The following MACO1 variants were observed in gnomAD, a reference collection of about 807,000 sequenced individuals.
MACO1 encodes the protein macoilin.
A neutral mutation model predicts 78.7 loss-of-function variants in MACO1; 14 were observed. That is an observed-to-expected ratio of 0.18 (90% CI 0.12 to 0.28). The LOEUF (loss-of-function observed/expected upper bound fraction) is 0.28, where lower values mean the gene tolerates loss of function less well. Ranked by LOEUF, MACO1 falls within the 10% of genes least tolerant of loss-of-function variation. The probability of loss-of-function intolerance (pLI) is 1.00; values close to 1 mark genes in which losing one functional copy is unlikely to be tolerated. For synonymous variants in MACO1, 288 were observed against 291.6 expected, an observed-to-expected ratio of 0.99 and a Z score of 0.12; for missense variants, 501 against 799.0, an observed-to-expected ratio of 0.63 and a Z score of 4.50.
Position 25,485,928 on chromosome 1 carries a change from T to C in MACO1, c.1496+133T>C. 1 of 979,122 alleles carries C rather than the reference T, an allele frequency of 1.0e-6. No homozygotes were observed. Among genetic ancestry groups the C allele is most frequent in the South Asian group, 1.7e-5 (1 of 60,384 alleles). The allele number at this position is 979,122 out of a possible 1,614,324, so 60.7% of individuals were successfully genotyped here. A position where few individuals can be genotyped will look rare whatever the true frequency, so the allele number is the denominator to read the frequency against. On this transcript the variant is annotated intron_variant, in intron 8 of 10. Transcript: ENST00000374343. This position sits in a 1 kb window ranked among gnomAD's most constrained non-coding sequence, Gnocchi z 4.3. ...CGGATGGATTGCTTTTAAGTACTGT[T>C]TTATTAACTGGTTTAAACTCCATGT...
intron 3 of MACO1, among the ~76,000 whole-genome samples, chr1:25,453,838 A>T (rs1029209971): frequency 1.3e-5 from 2 of 152,070 alleles, no homozygotes; most frequent in African/African-American, 4.8e-5. Flanking sequence ...GTCTTTAAAA[A>T]TTTTATCTAA....
rs114759782 is a variant in MACO1, at chr1:25,446,657, T to C, written c.81-105T>C. 1.5e-3 allele frequency: 1,698 copies of C among 1,099,750 alleles called. 21 individuals are homozygous for C. In the African/African-American group the frequency reaches 0.024, roughly 16 times the overall value. The allele number at this position is 1,099,750 out of a possible 1,614,324, so 68.1% of individuals were successfully genotyped here. On this transcript the variant is annotated intron_variant, in intron 1 of 10. Transcript: ENST00000374343. ...TGCTTTATCTCCATTGTTTTCATGA[T>C]ATATGGAGGTATTTTTTTGTCGTTT...
At chr1:25,490,461 G>A (rs1385158006) in intron 9 of MACO1, among the ~76,000 whole-genome samples, 8 of 152,108 alleles carry the variant, frequency 5.3e-5, no homozygotes, top group Non-Finnish European at 1.0e-4. Flanking sequence ...TATCAATCAT[G>A]GTGAGGATGC....
At chr1:25,452,590 T>A (rs2124581003) in intron 3 of MACO1, among the ~76,000 whole-genome samples, 1 of 152,338 alleles carries the variant, frequency 6.6e-6, no homozygotes, top group South Asian at 2.1e-4. Flanking sequence ...CCTCATTCTT[T>A]AGGAACCTTC....
rs780163233 is a variant in MACO1 at position 25,458,543 on chromosome 1, G to A, written c.805G>A (p.Gly269Arg). The A allele has an allele frequency of 6.2e-7, 1 of 1,613,608 alleles. No homozygotes were observed. The highest frequency in any genetic ancestry group is 1.7e-5 in the Admixed American group (1 of 59,960). ...CAAGGATGCCAAAAAACACAACCTT[G>A]GAATAAATAACAACAATATTCTACA... is the stretch of plus-strand genomic sequence containing the variant. ...KDKDAKKHNL[G>R]INNNNILQPV... The change falls in exon 6 of 11, where the codon GGA becomes AGA. Residue 269 changes from glycine to arginine, a missense_variant. Transcript: ENST00000374343.
At chr1:25,459,203 A>C (rs1244034070) in intron 6 of MACO1, among the ~76,000 whole-genome samples, 3 of 152,030 alleles carry the variant, frequency 2.0e-5, no homozygotes, top group Admixed American at 6.5e-5. Context: ...TTGCATGTCC[A>C]GAGTTCTCTT....
intron 6 of MACO1, among the ~76,000 whole-genome samples, chr1:25,469,400 AAACCTTGTATTTATGTTTTATG>A (rs1439434921): frequency 6.6e-6 from 1 of 152,168 alleles, no homozygotes; most frequent in Non-Finnish European, 1.5e-5. Context: ...TAGCCCACTT[AAACCTTGTATTTATGTTTTATG>A]ATTTTAAAAC....
chr1:25,492,294 A>G (rs1243601761), intron 10 of MACO1, among the ~76,000 whole-genome samples: 3 of 152,220 alleles, frequency 2.0e-5, no homozygotes, highest in African/African-American at 7.2e-5. Flanking sequence ...ACAAGCCAGC[A>G]GGGAGTATGT....
intron 1 of MACO1, among the ~76,000 whole-genome samples, chr1:25,437,298 CT>C (rs1173305681): frequency 0.033 from 2,160 of 65,908 alleles, 31 homozygotes; most frequent in African/African-American, 0.12. Context: ...CCATGCCTGG[CT>C]TTTTTTTTTT....
Position 25,491,412 on chromosome 1 carries a change from G to A in MACO1, c.1620G>A (p.Glu540=), listed in dbSNP as rs955538003. 4 of 1,614,026 alleles carry A rather than the reference G, an allele frequency of 2.5e-6. No individual in the cohort carries two copies. In the African/African-American group the frequency reaches 5.3e-5, roughly 22 times the overall value. ...QIRELELKVQ[E]LRKYKENEKD... ...TGCTGTTTTGATGATATTGATAGGA[G>A]CTTCGGAAATATAAGGAAAATGAGA... The change falls in exon 10 of 11, where the codon GAG becomes GAA. Residue 540 remains glutamate (E), a splice_region_variant and synonymous_variant. Transcript: ENST00000374343.
intron 8 of MACO1, among the ~76,000 whole-genome samples, chr1:25,488,948 G>C (rs1002966702): frequency 6.6e-6 from 1 of 152,084 alleles, no homozygotes. Context: ...CTCCCCAGTA[G>C]CTGGGACTAC....
At chr1:25,443,094 C>A (rs1313387454) in intron 1 of MACO1, among the ~76,000 whole-genome samples, 3 of 152,018 alleles carry the variant, frequency 2.0e-5, no homozygotes, top group Admixed American at 2.0e-4. Context: ...TTTTCTCATC[C>A]CTTGGAATGT....
chr1:25,457,245 A>G (rs1302813139), intron 5 of MACO1, among the ~76,000 whole-genome samples: 1 of 151,770 alleles, frequency 6.6e-6, no homozygotes, highest in Non-Finnish European at 1.5e-5. Context: ...AGCTGCTACC[A>G]TGGGCACGTG....
At position 25,454,238 on chromosome 1, in the gene MACO1, C is replaced by T. The variant is rs201356261; in HGVS notation, c.350-21C>T. 1.0e-5 allele frequency: 16 copies of T among 1,559,244 alleles called. No homozygotes were observed. The South Asian group carries it at 1.8e-4, about 18-fold the overall frequency. ...TACTATATCGTTTATTAATGCTTGC[C>T]TCTCTGCTGCTTTCTCACAGAAAGG... On this transcript the variant is annotated intron_variant, in intron 3 of 10. Coordinates refer to ENST00000374343, the MANE Select transcript of MACO1 (RefSeq NM_018202.6).
At chr1:25,474,323 C>T (rs2043300764) in intron 6 of MACO1, among the ~76,000 whole-genome samples, 1 of 152,096 alleles carries the variant, frequency 6.6e-6, no homozygotes, top group Non-Finnish European at 1.5e-5. Context: ...CAGTTTGCAA[C>T]CTCTGTGCCT....
At chr1:25,431,779 C>T (rs1203803545) in intron 1 of MACO1, among the ~76,000 whole-genome samples, 2 of 152,228 alleles carry the variant, frequency 1.3e-5, no homozygotes, top group African/African-American at 4.8e-5. Flanking sequence ...GAAGCTGATA[C>T]CCCCAAATCA....
chr1:25,458,855 C>G lies in MACO1; in HGVS notation c.1117C>G (p.Pro373Ala). ...THKDLMENCI[P>A]NNQLSKPDAL... is the part of the protein sequence containing the mutation. ...CAAGGACTTAATGGAAAACTGTATT[C>G]CTAATAACCAGCTAAGCAAACCAGA... Residue 373 changes from proline (P) to alanine (A), a missense_variant, in exon 6 of 11, where the codon CCT becomes GCT. Coordinates refer to ENST00000374343, the MANE Select transcript of MACO1 (RefSeq NM_018202.6). 6.2e-7 allele frequency: 1 copy of G among 1,613,918 alleles called. No homozygotes were observed. Among genetic ancestry groups the G allele is most frequent in the Non-Finnish European group, 8.5e-7 (1 of 1,179,888 alleles).
intron 6 of MACO1, among the ~76,000 whole-genome samples, chr1:25,480,929 A>AAAAAAATATAT (rs1553166539): frequency 1.9e-4 from 9 of 47,928 alleles, no homozygotes; most frequent in Non-Finnish European, 2.4e-4. Context: ...AAAAAAAAAA[A>AAAAAAATATAT]ATATATATAT....
Position 25,498,433 on chromosome 1 carries a change from C to A in MACO1, c.1962C>A (p.Pro654=), listed in dbSNP as rs1459503159. The A allele has an allele frequency of 3.7e-6, 6 of 1,613,096 alleles. No individual in the cohort carries two copies. The highest frequency in any genetic ancestry group is 5.1e-6 in the Non-Finnish European group (6 of 1,179,668). Reference sequence around the variant, plus strand: ...AGACCAGCCCCTCTGGACTTGACCCCAATGCCTCTGTTTACCAGCCCCTGA... The same window carrying A: ...AGACCAGCCCCTCTGGACTTGACCCAAATGCCTCTGTTTACCAGCCCCTGA... The part of the protein sequence containing the change: ...FVETSPSGLD[P]NASVYQPLKK The change falls in exon 11 of 11, where the codon CCC becomes CCA. Residue 654 remains proline (P), a synonymous_variant. Transcript: ENST00000374343.
Sources: allele counts gnomAD v4.1 joint callset (sites outside exome capture counted in the v4.1 genomes callset), GRCh38; gene constraint gnomAD v4.1.1; non-coding constraint Gnocchi (gnomAD v3.1); transcripts MANE v1.5; gene names NCBI Gene and HGNC (gene_info 2026-07-23, HGNC 2026-07-21).